DRICH1: variants seen among roughly 807,000 people sequenced by gnomAD.
The protein encoded by DRICH1 is aspartate rich 1.
DRICH1 carries 38 observed loss-of-function variants against 39.5 expected under a neutral mutation model. That is an observed-to-expected ratio of 0.96 (90% CI 0.74 to 1.26). The LOEUF (loss-of-function observed/expected upper bound fraction) is 1.26. Among genes scored for constraint, DRICH1 ranks in the 50% most tolerant of loss-of-function variants. DRICH1 has a pLI of 0.00. For synonymous variants in DRICH1, 84 were observed against 99.5 expected (o/e 0.84, Z 0.93); for missense variants, 279 against 270.4 (o/e 1.03, Z -0.22).
At chr22:23,582,299 G>A in the DRICH1 span, among the ~76,000 whole-genome samples, 6 of 127,654 alleles carry the variant, frequency 4.7e-5, no homozygotes, top group East Asian at 4.7e-4. Context: ...TTTTTGAGAC[G>A]GAGTCTCACT....
chr22:23,622,366 C>A (rs998192555), intron 3 of DRICH1, among the ~76,000 whole-genome samples, 190 bp from the exon 4 acceptor site: 2 of 152,160 alleles, frequency 1.3e-5, no homozygotes, highest in Admixed American at 1.3e-4. Flanking sequence ...GACATGGAGG[C>A]CTTGGCCTTG....
downstream of DRICH1, among the ~76,000 whole-genome samples, chr22:23,607,779 C>T (rs999149960): frequency 6.6e-6 from 1 of 152,186 alleles, no homozygotes; most frequent in South Asian, 2.1e-4. Context: ...TGCAGCCTCC[C>T]CAGCCTCCCT....
At chr22:23,619,242 G>C in intron 6 of DRICH1, 122 bp downstream of exon 6, 1 of 657,038 alleles carries the variant, frequency 1.5e-6, no homozygotes, top group East Asian at 2.8e-5. Flanking sequence ...CTAATCAGCT[G>C]TCAACATAAA....
the DRICH1 span, among the ~76,000 whole-genome samples, chr22:23,596,867 C>T: frequency 6.6e-6 from 1 of 151,938 alleles, no homozygotes; most frequent in Admixed American, 6.6e-5. Context: ...TCAGGTCTAG[C>T]TGATTTATAG....
intron 4 of DRICH1, 112 bp from the exon 5 acceptor site, chr22:23,620,727 T>C (rs1927673674): frequency 7.7e-7 from 1 of 1,295,492 alleles, no homozygotes; most frequent in African/African-American, 1.4e-5. Context: ...GAAACTGTTG[T>C]TGAGTCAAGG....
chr22:23,625,113 G>A (rs990640619), intron 2 of DRICH1, among the ~76,000 whole-genome samples: 3 of 152,154 alleles, frequency 2.0e-5, no homozygotes, highest in African/African-American at 7.2e-5. Flanking sequence ...GATTTAGGTT[G>A]GTAAATGCAC....
At chr22:23,600,447 C>A in the DRICH1 span, among the ~76,000 whole-genome samples, 1 of 152,194 alleles carries the variant, frequency 6.6e-6, no homozygotes, top group Admixed American at 6.5e-5. Flanking sequence ...GTAGGGCCTG[C>A]ATGAACAGAA....
At chr22:23,610,798 A>G (rs1378333981) in intron 11 of DRICH1, among the ~76,000 whole-genome samples, 2 of 151,376 alleles carry the variant, frequency 1.3e-5, no homozygotes, top group Admixed American at 6.6e-5. Context: ...CTTCTTTCCT[A>G]TCACTGTCTA....
chr22:23,588,738 T>G, the DRICH1 span, among the ~76,000 whole-genome samples: 1 of 152,220 alleles, frequency 6.6e-6, no homozygotes, highest in East Asian at 1.9e-4. Context: ...AACAGGCCTG[T>G]AATGAGTGAT....
intron 9 of DRICH1, 110 bp downstream of exon 9, chr22:23,614,025 G>A (rs1366574316): frequency 4.0e-6 from 3 of 754,074 alleles, no homozygotes; most frequent in Non-Finnish European, 6.9e-6. Flanking sequence ...AGAGAATAGT[G>A]TACAGTGTAC....
rs1391490860 is a variant in DRICH1, at chr22:23,620,616, CTGCAACGAGACAAAAGAAGA to C, written c.385-21_385-2del. ...TACCCTGGACACGTGACGGTAAAAT[CTGCAACGAGACAAAAGAAGA>C]TGCTATGAGGATCAGATCAATTCTG... On this transcript the variant is annotated splice_acceptor_variant and splice_polypyrimidine_tract_variant and intron_variant, in intron 4 of 11. Coordinates refer to ENST00000317749, the MANE Select transcript of DRICH1 (RefSeq NM_016449.4). LOFTEE classifies it high-confidence loss of function. The C allele has an allele frequency of 6.2e-7, 1 of 1,613,930 alleles. No homozygotes were observed. The highest frequency in any genetic ancestry group is 1.7e-5 in the Admixed American group (1 of 60,006).
intron 9 of DRICH1, 38 bp downstream of exon 9, chr22:23,614,097 C>G: frequency 7.4e-7 from 1 of 1,353,032 alleles, no homozygotes; most frequent in Non-Finnish European, 1.1e-6. Flanking sequence ...ATCAGGAAAG[C>G]AACATTGCTG....
chr22:23,602,465 AC>A, the DRICH1 span, among the ~76,000 whole-genome samples: 1 of 152,246 alleles, frequency 6.6e-6, no homozygotes, highest in East Asian at 1.9e-4. Context: ...CAGGTGGGTC[AC>A]TTGGGGCCAG....
At chr22:23,630,598 C>G (rs1406807997) in intron 1 of DRICH1, 1 of 152,178 alleles carries the variant, frequency 6.6e-6, no homozygotes, top group Non-Finnish European at 1.5e-5. Context: ...TTCAAGAAAA[C>G]TGACACTTGC....
chr22:23,588,460 G>A, the DRICH1 span, among the ~76,000 whole-genome samples: 10 of 152,196 alleles, frequency 6.6e-5, no homozygotes, highest in Admixed American at 2.0e-4. Context: ...TTGGGAAGGC[G>A]CTCAGTGGGA....
chr22:23,624,223 G>C (rs933000228), intron 3 of DRICH1: 3 of 985,266 alleles, frequency 3.0e-6, no homozygotes, highest in South Asian at 9.4e-5. Flanking sequence ...CTGTCTCCAG[G>C]AGTGAGTAAC....
chr22:23,607,537 G>GC (rs1555908366), downstream of DRICH1, among the ~76,000 whole-genome samples: 37 of 71,500 alleles, frequency 5.2e-4, no homozygotes, highest in East Asian at 9.9e-3. Flanking sequence ...GCTGGCGGGG[G>GC]CGGGGGGGGG....
chr22:23,611,761 G>C (rs982269854), intron 11 of DRICH1, among the ~76,000 whole-genome samples: 12 of 152,154 alleles, frequency 7.9e-5, no homozygotes, highest in Non-Finnish European at 1.3e-4. Context: ...CTTTTCCCCA[G>C]TAAAGTCGTA....
chr22:23,594,031 G>A, the DRICH1 span, among the ~76,000 whole-genome samples: 1 of 151,580 alleles, frequency 6.6e-6, no homozygotes. Flanking sequence ...AAGGGACTAT[G>A]GGACACCATC....
Sources: gnomAD v4.1 joint callset for allele counts (sites outside exome capture counted in the v4.1 genomes callset) on GRCh38, gnomAD v4.1.1 for gene constraint, MANE v1.5 for transcripts, NCBI Gene and HGNC (gene_info 2026-07-23, HGNC 2026-07-21) for gene names.